The following DPP6 variants were observed in gnomAD, a reference collection of about 807,000 sequenced individuals.
DPP6 encodes the protein dipeptidyl peptidase like 6.
Under a neutral mutation model 122.6 loss-of-function variants are expected in DPP6, and 69 were observed. That is an observed-to-expected ratio of 0.56 (90% CI 0.46 to 0.69). DPP6 has a LOEUF of 0.69. Among genes scored for constraint, DPP6 ranks in the 30% least tolerant of loss-of-function variants. The pLI is 0.00. For synonymous variants in DPP6, 418 were observed against 433.1 expected (o/e 0.97, Z 0.43); for missense variants, 928 against 1,116.9 (o/e 0.83, Z 2.41).
At chr7:154,174,326 T>G (rs1251640567) in intron 1 of DPP6, among the ~76,000 whole-genome samples, 1 of 152,276 alleles carries the variant, frequency 6.6e-6, no homozygotes, top group Non-Finnish European at 1.5e-5. Context: ...TGGCACATTT[T>G]ATTTTTATCT....
intron 7 of DPP6, among the ~76,000 whole-genome samples, chr7:154,694,836 G>C (rs2131235832): frequency 6.6e-6 from 1 of 152,214 alleles, no homozygotes; most frequent in East Asian, 1.9e-4. Flanking sequence ...TAAGCGGGAT[G>C]GTTGCTCATG....
chr7:154,638,015 T>C, intron 6 of DPP6, 142 bp downstream of exon 6: 2 of 883,032 alleles, frequency 2.3e-6, no homozygotes, highest in Non-Finnish European at 3.4e-6. Context: ...GTGGCACCTC[T>C]GGGACTCTCC....
At chr7:154,813,778 A>G (rs1395801860) in intron 16 of DPP6, among the ~76,000 whole-genome samples, 2 of 152,072 alleles carry the variant, frequency 1.3e-5, no homozygotes, top group African/African-American at 4.8e-5. Flanking sequence ...AGCTTTTGGC[A>G]TACATACTTA....
chr7:154,806,880 G>A, intron 15 of DPP6, 114 bp from the exon 16 acceptor site: 1 of 1,413,202 alleles, frequency 7.1e-7, no homozygotes, highest in South Asian at 1.4e-5. Context: ...CGGGGGGTCT[G>A]TAGCAGGGCT....
intron 3 of DPP6, among the ~76,000 whole-genome samples, chr7:154,537,928 A>G (rs1043760369): frequency 1.3e-5 from 2 of 152,148 alleles, no homozygotes; most frequent in Non-Finnish European, 2.9e-5. Flanking sequence ...AATCGTGTAC[A>G]TCAGTGAGAA....
intron 1 of DPP6, among the ~76,000 whole-genome samples, chr7:154,016,913 A>G (rs1798443581): frequency 6.6e-6 from 1 of 152,218 alleles, no homozygotes. Flanking sequence ...GGAGCAATGA[A>G]GGAAAGATAA....
chr7:154,211,283 G>C (rs949650829), intron 1 of DPP6, among the ~76,000 whole-genome samples: 1 of 152,176 alleles, frequency 6.6e-6, no homozygotes, highest in Non-Finnish European at 1.5e-5. Context: ...CTGGGCATAG[G>C]TACATGACAG....
chr7:154,120,992 T>G lies in DPP6; in HGVS notation c.243+67929T>G, dbSNP rs186248740. ...TGAATCCTGGGGCTGGTTTCCCCCATGCTGTTCTTGTGGCAATGAGTTCTC... is the reference window on the plus strand; with the variant it reads ...TGAATCCTGGGGCTGGTTTCCCCCAGGCTGTTCTTGTGGCAATGAGTTCTC... On this transcript the variant is annotated intron_variant, in intron 1 of 25. Transcript: ENST00000377770. Among the ~76,000 whole-genome samples the G allele has an allele frequency of 9.7e-4, 148 of 152,246 alleles. 1 individual carries two copies. In the East Asian group the frequency reaches 0.018, roughly 18 times the overall value.
chr7:154,148,294 C>T (rs553543201), intron 1 of DPP6, among the ~76,000 whole-genome samples: 3 of 130,410 alleles, frequency 2.3e-5, no homozygotes, highest in African/African-American at 5.7e-5. Context: ...ACCATGGGGT[C>T]AGCCTCAGAC....
rs370371549 is a variant in DPP6 at position 153,952,146 on chromosome 7, T to C, written c.51+64412T>C. ...TGTCCTCGTGGGTTGTGGTAGAATG[T>C]AGACCTCTTAAATACAAGACCCAGC... is the stretch of plus-strand genomic sequence containing the variant. On this transcript the variant is annotated intron_variant, in intron 1 of 25. Coordinates refer to the DPP6 transcript ENST00000404039. Among the ~76,000 whole-genome samples, 16 of 152,372 alleles carry C rather than the reference T, an allele frequency of 1.1e-4. No homozygotes were observed. In the East Asian group the frequency reaches 2.1e-3, roughly 20 times the overall value.
intron 1 of DPP6, among the ~76,000 whole-genome samples, chr7:154,111,563 A>G (rs1393469065): frequency 6.6e-6 from 1 of 151,114 alleles, no homozygotes; most frequent in Non-Finnish European, 1.5e-5. Context: ...TATTTTAGTT[A>G]TTTTCTTATC....
intron 1 of DPP6, among the ~76,000 whole-genome samples, chr7:154,222,929 G>A (rs770505345): frequency 2.7e-5 from 4 of 148,948 alleles, no homozygotes; most frequent in South Asian, 2.1e-4. Flanking sequence ...GTGGTTGTTG[G>A]TGTTCTTCAT....
intron 1 of DPP6, among the ~76,000 whole-genome samples, chr7:154,333,525 A>G (rs983271599): frequency 3.9e-5 from 6 of 152,204 alleles, no homozygotes; most frequent in African/African-American, 1.4e-4. Flanking sequence ...TAAAGCATTG[A>G]TTTCTCTCTC....
intron 5 of DPP6, among the ~76,000 whole-genome samples, chr7:154,570,608 A>T (rs1831047718): frequency 6.6e-6 from 1 of 152,224 alleles, no homozygotes; most frequent in African/African-American, 2.4e-5. Context: ...AAAATACCTC[A>T]GTTGTGAAAT....
chr7:154,426,767 T>C (rs774999816), intron 1 of DPP6, among the ~76,000 whole-genome samples: 18 of 149,674 alleles, frequency 1.2e-4, no homozygotes, highest in Middle Eastern at 6.9e-3. Context: ...ATGATGGTTT[T>C]GGAAAAACAT....
intron 1 of DPP6, among the ~76,000 whole-genome samples, chr7:154,171,514 G>A (rs2150729321): frequency 6.6e-6 from 1 of 152,262 alleles, no homozygotes; most frequent in African/African-American, 2.4e-5. Flanking sequence ...CTGCTGGGTG[G>A]GTAGGGGGCT....
intron 1 of DPP6, among the ~76,000 whole-genome samples, chr7:154,056,556 G>A (rs1053380964): frequency 2.6e-5 from 4 of 152,090 alleles, no homozygotes; most frequent in African/African-American, 7.2e-5. Flanking sequence ...TATACAGTGT[G>A]TTCCTGTATC....
intron 16 of DPP6, chr7:154,838,921 G>C (rs1801298685): frequency 6.6e-6 from 1 of 152,188 alleles, no homozygotes; most frequent in Non-Finnish European, 1.5e-5. Context: ...ATCGTGAACA[G>C]GGTTTCAGTA....
At chr7:154,043,125 C>T (rs112141173) in intron 1 of DPP6, among the ~76,000 whole-genome samples, 1,646 of 152,020 alleles carry the variant, frequency 0.011, 26 homozygotes, top group African/African-American at 0.037. Flanking sequence ...CGGTGGCTCA[C>T]GTCTGTAATC....
Sources: gnomAD v4.1 joint callset for allele counts (sites outside exome capture counted in the v4.1 genomes callset) on GRCh38, gnomAD v4.1.1 for gene constraint, MANE v1.5 for transcripts, NCBI Gene and HGNC (gene_info 2026-07-23, HGNC 2026-07-21) for gene names.